CLSTN2: variants seen among roughly 807,000 people sequenced by gnomAD.
CLSTN2 encodes the protein calsyntenin 2.
A neutral mutation model predicts 101.2 loss-of-function variants in CLSTN2; 48 were observed. That is an observed-to-expected ratio of 0.47 (90% CI 0.38 to 0.60). The LOEUF (loss-of-function observed/expected upper bound fraction) is 0.60. Among genes scored for constraint, CLSTN2 ranks in the 20% least tolerant of loss-of-function variants. CLSTN2 has a pLI of 0.00. For missense variants in CLSTN2, 1,160 were observed against 1,238.2 expected, an observed-to-expected ratio of 0.94 and a Z score of 0.95; for synonymous variants, 481 against 463.6, an observed-to-expected ratio of 1.04 and a Z score of -0.48.
At chr3:140,367,468 G>T (rs1428901525) in intron 2 of CLSTN2, among the ~76,000 whole-genome samples, 2 of 132,126 alleles carry the variant, frequency 1.5e-5, no homozygotes, top group Non-Finnish European at 3.1e-5. Flanking sequence ...AGCCGAGATT[G>T]TACCACTGCA....
At chr3:140,264,127 A>C (rs1483785699) in intron 2 of CLSTN2, among the ~76,000 whole-genome samples, 1 of 151,904 alleles carries the variant, frequency 6.6e-6, no homozygotes, top group Non-Finnish European at 1.5e-5. Flanking sequence ...TTTTGTTTCC[A>C]TCTCTCATAC....
chr3:140,319,379 G>A (rs1426825774), intron 2 of CLSTN2, among the ~76,000 whole-genome samples: 4 of 152,146 alleles, frequency 2.6e-5, no homozygotes, highest in South Asian at 2.1e-4. Flanking sequence ...TTGGGTCTGC[G>A]TGCCTCTTTG....
chr3:140,184,870 C>T (rs527250039), intron 2 of CLSTN2, among the ~76,000 whole-genome samples: 8 of 152,054 alleles, frequency 5.3e-5, no homozygotes, highest in African/African-American at 1.4e-4. Flanking sequence ...ATCCAGAGGC[C>T]GATAAATGAC....
intron 1 of CLSTN2, among the ~76,000 whole-genome samples, chr3:140,127,220 C>A (rs566361247): frequency 1.4e-4 from 22 of 152,132 alleles, no homozygotes; most frequent in African/African-American, 5.3e-4. Context: ...GGCTGCAGAT[C>A]CCAGGTCCAC....
At chr3:140,123,246 A>G (rs887572281) in intron 1 of CLSTN2, among the ~76,000 whole-genome samples, 3 of 151,742 alleles carry the variant, frequency 2.0e-5, no homozygotes, top group African/African-American at 7.3e-5. Flanking sequence ...CAGTTGATTC[A>G]TTCTAGTCCT....
chr3:140,114,111 C>G (rs2009200668), intron 1 of CLSTN2, among the ~76,000 whole-genome samples: 1 of 152,082 alleles, frequency 6.6e-6, no homozygotes, highest in Non-Finnish European at 1.5e-5. Flanking sequence ...CTTGCCTTGC[C>G]CATAAGGCTC....
intron 2 of CLSTN2, among the ~76,000 whole-genome samples, chr3:140,393,420 T>C (rs974499597): frequency 1.2e-4 from 19 of 152,174 alleles, no homozygotes; most frequent in African/African-American, 4.1e-4. Flanking sequence ...TCAAATACGT[T>C]TAATTGTTTG....
chr3:140,339,643 A>C (rs1374668569), intron 2 of CLSTN2, among the ~76,000 whole-genome samples: 1 of 152,182 alleles, frequency 6.6e-6, no homozygotes, highest in African/African-American at 2.4e-5. Flanking sequence ...GGGGGCCTTG[A>C]AACAGAGGCT....
intron 2 of CLSTN2, among the ~76,000 whole-genome samples, chr3:140,394,993 G>C (rs1159792760): frequency 1.3e-5 from 2 of 151,992 alleles, no homozygotes; most frequent in Admixed American, 1.3e-4. Flanking sequence ...GAGTCAGAGG[G>C]ACCTCTCCAA....
chr3:140,544,420 C>T (rs1935545767), intron 9 of CLSTN2, among the ~76,000 whole-genome samples: 1 of 152,124 alleles, frequency 6.6e-6, no homozygotes, highest in Non-Finnish European at 1.5e-5. Context: ...AGGCCCAACC[C>T]CACAAGAAGC....
chr3:140,547,003 T>C (rs1447780186), intron 10 of CLSTN2, among the ~76,000 whole-genome samples: 2 of 152,226 alleles, frequency 1.3e-5, no homozygotes, highest in Non-Finnish European at 2.9e-5. Flanking sequence ...AGTTGGCTGC[T>C]CTGTTGTTTA....
chr3:140,240,961 C>T (rs933615832), intron 2 of CLSTN2, among the ~76,000 whole-genome samples: 23 of 152,068 alleles, frequency 1.5e-4, no homozygotes, highest in African/African-American at 5.6e-4. Context: ...TATCGACCAT[C>T]ATGAGGTTGT....
chr3:140,336,922 C>A (rs142482308), intron 2 of CLSTN2, among the ~76,000 whole-genome samples: 1,531 of 152,202 alleles, frequency 0.01, 29 homozygotes, highest in African/African-American at 0.036. Flanking sequence ...GCTCCCATCC[C>A]GCCCCACCTT....
rs1278917594 is a variant in CLSTN2 at position 140,576,866 on chromosome 3, T to C, written c.*10613T>C. ...TGTGTTTATTTGATAAATATACTAT[T>C]GTGTATGAGTGTGAAACAATGCAGA... is the stretch of plus-strand genomic sequence containing the variant. On this transcript the variant is annotated 3_prime_UTR_variant, in exon 17 of 17. Coordinates refer to ENST00000458420, the MANE Select transcript of CLSTN2 (RefSeq NM_022131.3). The C allele has an allele frequency of 1.3e-5, 2 of 152,232 alleles. No individual in the cohort carries two copies. The highest frequency in any genetic ancestry group is 2.4e-5 in the African/African-American group (1 of 41,460). 9.4% of individuals were successfully genotyped at this position (152,232 alleles called of 1,614,324 possible). A position where few individuals can be genotyped will look rare whatever the true frequency, so the allele number is the denominator to read the frequency against.
chr3:140,009,904 C>G (rs2007037035), intron 1 of CLSTN2, among the ~76,000 whole-genome samples: 1 of 152,222 alleles, frequency 6.6e-6, no homozygotes, highest in Non-Finnish European at 1.5e-5. Flanking sequence ...TTCACCCACG[C>G]TGTTGCCCTT....
intron 8 of CLSTN2, among the ~76,000 whole-genome samples, chr3:140,513,569 C>CT (rs903301305): frequency 6.7e-5 from 7 of 104,694 alleles, no homozygotes; most frequent in East Asian, 2.8e-4. Context: ...CTGAAGCTTT[C>CT]TTTTTTTTTC....
chr3:140,318,166 T>C (rs1340063117), intron 2 of CLSTN2, among the ~76,000 whole-genome samples: 1 of 152,136 alleles, frequency 6.6e-6, no homozygotes, highest in African/African-American at 2.4e-5. Context: ...CACCATATCA[T>C]CTCTCAGGCA....
intron 2 of CLSTN2, among the ~76,000 whole-genome samples, chr3:140,335,505 G>C (rs917289762): frequency 2.7e-5 from 4 of 150,402 alleles, no homozygotes; most frequent in African/African-American, 9.8e-5. Flanking sequence ...TATCTGACCT[G>C]AGTCAAAAGG....
chr3:140,160,481 A>T (rs2010027523), intron 1 of CLSTN2, among the ~76,000 whole-genome samples: 1 of 152,146 alleles, frequency 6.6e-6, no homozygotes, highest in African/African-American at 2.4e-5. Flanking sequence ...ATATGATTTT[A>T]TGACTCAGGA....
Sources: allele counts gnomAD v4.1 joint callset (sites outside exome capture counted in the v4.1 genomes callset), GRCh38; gene constraint gnomAD v4.1.1; transcripts MANE v1.5; gene names NCBI Gene and HGNC (gene_info 2026-07-23, HGNC 2026-07-21).